The following EIF2D variants were observed in gnomAD, a reference collection of about 807,000 sequenced individuals.
EIF2D encodes the protein eukaryotic translation initiation factor 2D, also known as hepatocellular carcinoma-associated antigen 56.
EIF2D carries 56 observed loss-of-function variants against 77.4 expected under a neutral mutation model. The observed-to-expected ratio is 0.72, with a 90% CI of 0.58 to 0.90. EIF2D has a LOEUF of 0.90. EIF2D is among the 40% of genes least tolerant of loss of function. The pLI is 0.00. For synonymous variants in EIF2D, 230 were observed against 271.0 expected, an observed-to-expected ratio of 0.85 and a Z score of 1.49; for missense variants, 574 against 706.5, an observed-to-expected ratio of 0.81 and a Z score of 2.13.
In EIF2D at chr1:206,584,848, G is replaced by GTCTT. The variant is rs1553407285; in HGVS notation, c.139-3687_139-3686insAAGA. The GTCTT allele has an allele frequency of 4.1e-6, 3 of 726,640 alleles. No individual in the cohort carries two copies. The highest frequency in any genetic ancestry group is 2.8e-5 in the Admixed American group (1 of 35,422). The allele number at this position is 726,640 out of a possible 1,614,324, so 45.0% of individuals were successfully genotyped here. ...CAGATCTGTGGAATCCGGGCAGGGAGGCAAGAGCAGAGTCCCTGACTCTGC... is the reference window on the plus strand; with the variant it reads ...CAGATCTGTGGAATCCGGGCAGGGAGTCTTGCAAGAGCAGAGTCCCTGACTCTGC... On this transcript the variant is annotated intron_variant and NMD_transcript_variant, in intron 2 of 5. Coordinates refer to the EIF2D transcript ENST00000472709. The surrounding 1 kb of genome is among the most constrained non-coding windows in gnomAD (Gnocchi z 4.9).
intron 4 of EIF2D, among the ~76,000 whole-genome samples, chr1:206,580,107 C>G (rs1450866217): frequency 2.0e-5 from 3 of 152,178 alleles, no homozygotes; most frequent in African/African-American, 7.2e-5. Flanking sequence ...GGCAGAGGTG[C>G]CTGTGGCCAC....
At chr1:206,587,138 T>C, downstream of EIF2D, 1 of 890,270 alleles carries the variant, frequency 1.1e-6, no homozygotes, top group South Asian at 1.5e-5. Context: ...GACAAGTGTT[T>C]GCACGAGGGT....
rs571757010 is a variant in EIF2D, at chr1:206,575,045, T to A, written c.*255-2346A>T. On this transcript the variant is annotated intron_variant and NMD_transcript_variant, in intron 4 of 5. Coordinates refer to the EIF2D transcript ENST00000472709. ...TTGTTTTTGTTTTTGTTTTTTTTTTTAGAAGAGACAGGGTTTCATTATGTT... is the reference window on the plus strand; with the variant it reads ...TTGTTTTTGTTTTTGTTTTTTTTTTAAGAAGAGACAGGGTTTCATTATGTT... 2.8e-4 allele frequency among the ~76,000 whole-genome samples: 42 copies of A among 151,976 alleles called. No individual in the cohort carries two copies. The South Asian group carries it at 8.3e-3, about 30-fold the overall frequency.
chr1:206,572,858 G>A (rs1668496978), intron 4 of EIF2D, among the ~76,000 whole-genome samples: 1 of 152,144 alleles, frequency 6.6e-6, no homozygotes, highest in Non-Finnish European at 1.5e-5. Context: ...AAAGACAAAA[G>A]TTCTTAGGAC....
rs577315720 is a variant in EIF2D at position 206,605,822 on chromosome 1, T to C, written c.423-315A>G. On this transcript the variant is annotated intron_variant, in intron 4 of 14. Transcript: ENST00000271764. ...AGGTGGGTCTTGGAAGGATATTTAA[T>C]GTTCCCTTTCATTAATTTCAAAAAT... Among the ~76,000 whole-genome samples the C allele has an allele frequency of 1.0e-3, 157 of 152,360 alleles. 1 individual carries two copies. Among genetic ancestry groups the C allele is most frequent in the African/African-American group, 3.6e-3 (148 of 41,590 alleles).
chr1:206,602,353 G>C lies in EIF2D; in HGVS notation c.885C>G (p.Ser295Arg), dbSNP rs782103843. The C allele has an allele frequency of 6.2e-7, 1 of 1,614,184 alleles. No individual in the cohort carries two copies. Among genetic ancestry groups the C allele is most frequent in the Non-Finnish European group, 8.5e-7 (1 of 1,179,994 alleles). ...LPLLTSTFLG[S>R]HMFSCCPEGR... ...TTCCATACCAGCAGGAGAACATGTG[G>C]CTGCCAAGGAAAGTGCTGGTGAGTA... Residue 295 changes from serine (S) to arginine (R), a missense_variant, in exon 7 of 15, where the codon AGC (serine) becomes AGG (arginine). Transcript: ENST00000271764.
chr1:206,605,418 G>A lies in EIF2D; in HGVS notation c.512C>T (p.Thr171Ile). ...TACCCACCACAAGTGGTCCTGGTAA[G>A]TGTGGAGCACAGAGAAGCCCCTTCC... ...LKGRGFSVLHTYQDHLWRSGN... is the reference protein window; with the variant it reads ...LKGRGFSVLHIYQDHLWRSGN... The change falls in exon 5 of 15, where the codon ACT becomes ATT. Residue 171 changes from threonine to isoleucine, a missense_variant. Physicochemically the swap from Thr to Ile is moderately conservative, Grantham distance 89 (BLOSUM62 -1). Coordinates refer to ENST00000271764, the MANE Select transcript of EIF2D (RefSeq NM_006893.3). 1.2e-6 allele frequency: 2 copies of A among 1,614,074 alleles called. No individual in the cohort carries two copies. Among genetic ancestry groups the A allele is most frequent in the East Asian group, 2.2e-5 (1 of 44,884 alleles).
intron 6 of EIF2D, 63 bp from the exon 7 acceptor site, chr1:206,602,516 A>G: frequency 7.0e-7 from 1 of 1,436,348 alleles, no homozygotes; most frequent in Non-Finnish European, 9.8e-7. Flanking sequence ...GTACAAGAAA[A>G]CGACCCCCAG....
chr1:206,598,966 C>A (rs782764042), intron 11 of EIF2D, 37 bp downstream of exon 11: 72 of 1,599,236 alleles, frequency 4.5e-5, no homozygotes, highest in Non-Finnish European at 5.6e-5. Flanking sequence ...AAGACAAAGA[C>A]CCAATAAGAC....
intron 7 of EIF2D, 106 bp downstream of exon 7, chr1:206,602,230 C>T: frequency 1.2e-6 from 1 of 800,204 alleles, no homozygotes; most frequent in Non-Finnish European, 2.1e-6. Context: ...CTTTCCACAG[C>T]ATGTCCCTCA....
rs944157915 is a variant in EIF2D at position 206,602,617 on chromosome 1, G to A, written c.785-164C>T. ...CTCTCTTGAGCACTGAGCCTTTAAA[G>A]AGGGTTGACCCCAGAGAAGGAGTCA... is the stretch of plus-strand genomic sequence containing the variant. On this transcript the variant is annotated intron_variant, in intron 6 of 14. Coordinates refer to ENST00000271764, the MANE Select transcript of EIF2D (RefSeq NM_006893.3). The A allele has an allele frequency of 5.9e-6, 4 of 673,188 alleles. No individual in the cohort carries two copies. The Admixed American group carries it at 8.4e-5, about 14-fold the overall frequency. The allele number at this position is 673,188 out of a possible 1,614,324, so 41.7% of individuals were successfully genotyped here. A position where few individuals can be genotyped will look rare whatever the true frequency, so the allele number is the denominator to read the frequency against.
Position 206,595,734 on chromosome 1 carries a change from C to G in EIF2D, c.1493G>C (p.Arg498Thr), listed in dbSNP as rs782620699. 1.2e-5 allele frequency: 19 copies of G among 1,613,652 alleles called. No individual in the cohort carries two copies. Among genetic ancestry groups the G allele is most frequent in the Admixed American group, 3.3e-5 (2 of 59,904 alleles). Reference protein sequence around the residue: ...ICPIDITLAQRASNKKVTVVR... With the variant: ...ICPIDITLAQTASNKKVTVVR... ...TAAAATTACCTTTTTATTAGACGCT[C>G]TTTGTGCTAGGGTGATGTCAATTGG... The change falls in exon 13 of 15, where the codon AGA (arginine) becomes ACA (threonine). Residue 498 changes from arginine (R) to threonine (T), a missense_variant. Arg to Thr is a moderately conservative substitution (Grantham distance 71). Coordinates refer to ENST00000271764, the MANE Select transcript of EIF2D (RefSeq NM_006893.3).
chr1:206,607,335 T>C (rs1198155750), intron 4 of EIF2D, among the ~76,000 whole-genome samples: 7 of 152,270 alleles, frequency 4.6e-5, no homozygotes, highest in Non-Finnish European at 1.0e-4. Flanking sequence ...CATGTATATA[T>C]GTGTAGGACA....
chr1:206,602,857 C>A (rs1669993338), intron 6 of EIF2D, 94 bp downstream of exon 6: 3 of 1,524,468 alleles, frequency 2.0e-6, no homozygotes, highest in Non-Finnish European at 1.8e-6. Flanking sequence ...CCCCCGGAAG[C>A]TTAAGGGCCA....
At chr1:206,591,143 A>G (rs1316526505), downstream of EIF2D, among the ~76,000 whole-genome samples, 1 of 152,206 alleles carries the variant, frequency 6.6e-6, no homozygotes, top group Non-Finnish European at 1.5e-5. Flanking sequence ...GAGACTCTTC[A>G]CTGTAACAAA....
chr1:206,609,345 C>A lies in EIF2D; in HGVS notation c.331+31G>T, dbSNP rs369029016. ...TGGCTTTTGCTAAGTAGGTTTCAGC[C>A]AATAGCCAGAATATAGGAGAATCCT... On this transcript the variant is annotated intron_variant, in intron 3 of 14. Coordinates refer to ENST00000271764, the MANE Select transcript of EIF2D (RefSeq NM_006893.3). 1.9e-5 allele frequency: 31 copies of A among 1,599,088 alleles called. No homozygotes were observed. In the African/African-American group the frequency reaches 4.0e-4, roughly 21 times the overall value.
rs535987589 is a variant in EIF2D, at chr1:206,574,997, T to C, written c.*255-2298A>G. Reference sequence around the variant, plus strand: ...GCCTTAGCCTCCCGAGTAGTTGGGATTACAGGCGCACGGATAATTTTTTTG... The same window carrying C: ...GCCTTAGCCTCCCGAGTAGTTGGGACTACAGGCGCACGGATAATTTTTTTG... On this transcript the variant is annotated intron_variant and NMD_transcript_variant, in intron 4 of 5. Coordinates refer to the EIF2D transcript ENST00000472709. Among the ~76,000 whole-genome samples, 7 of 151,646 alleles carry C rather than the reference T, an allele frequency of 4.6e-5. No individual in the cohort carries two copies. In the East Asian group the frequency reaches 1.4e-3, roughly 29 times the overall value.
intron 4 of EIF2D, among the ~76,000 whole-genome samples, chr1:206,580,154 G>C (rs11119083): frequency 0.45 from 68,771 of 152,016 alleles, 16,066 homozygotes; most frequent in Middle Eastern, 0.65. Flanking sequence ...GGGAAGGGGA[G>C]AGATAGATGG....
downstream of EIF2D, among the ~76,000 whole-genome samples, chr1:206,570,710 C>T (rs116459198): frequency 0.012 from 1,779 of 152,212 alleles, 36 homozygotes; most frequent in African/African-American, 0.041. Flanking sequence ...GGTTCATCCA[C>T]GTGATAGCAT....
Sources: allele counts gnomAD v4.1 joint callset (sites outside exome capture counted in the v4.1 genomes callset), GRCh38; gene constraint gnomAD v4.1.1; non-coding constraint Gnocchi (gnomAD v3.1); transcripts MANE v1.5; gene names NCBI Gene and HGNC (gene_info 2026-07-23, HGNC 2026-07-21).